Variants in SPOCD1 observed in about 807,000 individuals in gnomAD.
SPOCD1 encodes SPOC domain-containing protein 1.
A neutral mutation model predicts 92.2 loss-of-function variants in SPOCD1; 64 were observed. The observed-to-expected ratio is 0.69, with a 90% CI of 0.57 to 0.86. The LOEUF (loss-of-function observed/expected upper bound fraction) is 0.86. Ranked by LOEUF, SPOCD1 falls within the 40% of genes least tolerant of loss-of-function variation. The probability of loss-of-function intolerance (pLI) is 0.00; values close to 1 mark genes in which losing one functional copy is unlikely to be tolerated. For missense variants in SPOCD1, 1,360 were observed against 1,543.1 expected (o/e 0.88, Z 1.99); for synonymous variants, 578 against 619.3 (o/e 0.93, Z 0.99).
chr1:31,815,001 C>T lies in SPOCD1; in HGVS notation c.333G>A (p.Gly111=), dbSNP rs1357050059. ...GGAGCCTCTTGGAGGTCAGAGCTCT[C>T]CCCTGAGTAGGCACCGAGGGCAGCT... ...HMQLPSVPTQ[G]RALTSKRLQV... is the part of the protein sequence containing the mutation. The change falls in exon 2 of 16, where the codon GGG becomes GGA. Residue 111 remains glycine (G), a synonymous_variant. Coordinates refer to ENST00000360482, the MANE Select transcript of SPOCD1 (RefSeq NM_144569.7). 6.2e-7 allele frequency: 1 copy of T among 1,613,908 alleles called. No homozygotes were observed. Among genetic ancestry groups the T allele is most frequent in the Non-Finnish European group, 8.5e-7 (1 of 1,179,996 alleles).
intron 2 of SPOCD1, among the ~76,000 whole-genome samples, chr1:31,810,340 G>C (rs945718842): frequency 2.0e-5 from 3 of 147,984 alleles, no homozygotes; most frequent in Admixed American, 1.4e-4. Flanking sequence ...GTAAAATGGG[G>C]ATATTAGTGT....
Position 31,790,798 on chromosome 1 carries a change from G to A in SPOCD1, c.3456C>T (p.His1152=), listed in dbSNP as rs780676184. The part of the protein sequence containing the change: ...DSCPHQALLR[H]LESLATMSHQ... ...GACTCATGGTCGCCAGGGATTCGAGGTGCCGGAGCAGGGCTTGGTGGGGAC... is the reference window on the plus strand; with the variant it reads ...GACTCATGGTCGCCAGGGATTCGAGATGCCGGAGCAGGGCTTGGTGGGGAC... Residue 1152 remains histidine (H), a synonymous_variant, in exon 16 of 16, where the codon CAC becomes CAT. Coordinates refer to ENST00000360482, the MANE Select transcript of SPOCD1 (RefSeq NM_144569.7). 2.6e-6 allele frequency: 4 copies of A among 1,545,866 alleles called. No homozygotes were observed. Among genetic ancestry groups the A allele is most frequent in the Non-Finnish European group, 2.6e-6 (3 of 1,144,182 alleles).
chr1:31,793,529 G>T, intron 12 of SPOCD1, 101 bp from the exon 13 acceptor site: 1 of 1,520,392 alleles, frequency 6.6e-7, no homozygotes, highest in Admixed American at 2.0e-5. Flanking sequence ...CCTACTGTGG[G>T]GACTGGAACA....
chr1:31,794,310 C>A, intron 10 of SPOCD1, 75 bp from the exon 11 acceptor site: 1 of 1,010,012 alleles, frequency 9.9e-7, no homozygotes, highest in Non-Finnish European at 1.5e-6. Context: ...GGTAGGGGGC[C>A]CCAGGATGTG....
At position 31,814,404 on chromosome 1, in the gene SPOCD1, A is replaced by T; in HGVS notation, c.930T>A (p.Ser310Arg). 6.2e-7 allele frequency: 1 copy of T among 1,609,276 alleles called. No individual in the cohort carries two copies. The highest frequency in any genetic ancestry group is 8.5e-7 in the Non-Finnish European group (1 of 1,177,836). The stretch of plus-strand genomic sequence containing the variant: ...CAGCTGAACTGAGGGACTCCCCTCC[A>T]CTGGGCACTGGGAACCCGACAGGGC... ...PCGPVGFPVP[S>R]GGESLSSAAQ... The change falls in exon 2 of 16, where the codon AGT (serine) becomes AGA (arginine). Residue 310 changes from serine (S) to arginine (R), a missense_variant. Transcript: ENST00000360482. The surrounding 1 kb of genome is among the most constrained non-coding windows in gnomAD (Gnocchi z 4.2).
At position 31,800,076 on chromosome 1, in the gene SPOCD1, G is replaced by A; in HGVS notation, c.1668C>T (p.Tyr556=). The change falls in exon 5 of 16, where the codon TAC becomes TAT. Residue 556 remains tyrosine (Y), a synonymous_variant. Coordinates refer to ENST00000360482, the MANE Select transcript of SPOCD1 (RefSeq NM_144569.7). ...GGGCCAGGGAACCGCTTCTTGGAGG[G>A]TAGAAGGGGTCAGAGAGGCCACCAG... ...GDPGGLSDPF[Y]PPRSGSLALG... The A allele has an allele frequency of 3.1e-6, 5 of 1,608,100 alleles. No individual in the cohort carries two copies. The highest frequency in any genetic ancestry group is 4.2e-6 in the Non-Finnish European group (5 of 1,178,296).
intron 11 of SPOCD1, 85 bp downstream of exon 11, chr1:31,794,039 G>A (rs887574692): frequency 5.3e-6 from 8 of 1,523,764 alleles, no homozygotes; most frequent in Non-Finnish European, 7.2e-6. Flanking sequence ...CCTCTCCCCA[G>A]GCCACAAATC....
Position 31,790,448 on chromosome 1 carries a change from A to T in SPOCD1, c.*155T>A. ...CCCAATTTTACCAAATTCTTTATTG[A>T]ACAAAAAATCAACAGCAAACATTGT... On this transcript the variant is annotated 3_prime_UTR_variant, in exon 16 of 16. Transcript: ENST00000360482. 2 of 732,262 alleles carry T rather than the reference A, an allele frequency of 2.7e-6. No individual in the cohort carries two copies. Among genetic ancestry groups the T allele is most frequent in the Non-Finnish European group, 4.5e-6 (2 of 447,986 alleles). The allele number at this position is 732,262 out of a possible 1,614,324, so 45.4% of individuals were successfully genotyped here. A position where few individuals can be genotyped will look rare whatever the true frequency, so the allele number is the denominator to read the frequency against.
intron 12 of SPOCD1, 65 bp downstream of exon 12, chr1:31,793,682 C>G (rs1286709572): frequency 6.2e-7 from 1 of 1,610,468 alleles, no homozygotes. Context: ...ATGTCTGTTG[C>G]ACCAGGTGGT....
chr1:31,803,400 G>A (rs1648590406), intron 2 of SPOCD1, among the ~76,000 whole-genome samples: 1 of 150,910 alleles, frequency 6.6e-6, no homozygotes, highest in Middle Eastern at 3.2e-3. Flanking sequence ...TTAGCTAACT[G>A]GACAACACAT....
At chr1:31,799,671 T>C in intron 6 of SPOCD1, 138 bp downstream of exon 6, 2 of 1,155,976 alleles carry the variant, frequency 1.7e-6, no homozygotes, top group Non-Finnish European at 1.2e-6. Flanking sequence ...CCCCACCCCT[T>C]TGGGGAGGAG....
intron 2 of SPOCD1, among the ~76,000 whole-genome samples, chr1:31,805,355 G>A (rs1648752568): frequency 6.6e-6 from 1 of 152,000 alleles, no homozygotes; most frequent in Non-Finnish European, 1.5e-5. Context: ...CTACTAGAGG[G>A]ATAAAAAGGA....
chr1:31,815,434 T>G lies in SPOCD1; in HGVS notation c.-39-62A>C. On this transcript the variant is annotated intron_variant, in intron 1 of 15. Transcript: ENST00000360482. ...GAGTCCGACCTGTCAGCCCGTTCAG[T>G]GGGAACTGGGAGGAGCCCCTCTTCC... 1.6e-6 allele frequency: 2 copies of G among 1,233,652 alleles called. 1 individual carries two copies. Among genetic ancestry groups the G allele is most frequent in the South Asian group, 3.6e-5 (2 of 55,722 alleles). 76.4% of individuals were successfully genotyped at this position (1,233,652 alleles called of 1,614,324 possible).
chr1:31,792,916 T>C, intron 13 of SPOCD1, 149 bp from the exon 14 acceptor site: 2 of 725,674 alleles, frequency 2.8e-6, no homozygotes, highest in African/African-American at 1.7e-5. Context: ...AAAGCTCTAA[T>C]TGCCCCATGG....
chr1:31,813,896 G>A (rs1202199239), intron 2 of SPOCD1, 55 bp downstream of exon 2: 9 of 1,412,806 alleles, frequency 6.4e-6, no homozygotes, highest in Non-Finnish European at 7.5e-6. Flanking sequence ...GCCAAGTATG[G>A]TATTGAGAAA....
At chr1:31,801,755 C>T (rs1332289840) in intron 2 of SPOCD1, 50 bp from the exon 3 acceptor site, 1 of 1,460,618 alleles carries the variant, frequency 6.8e-7, no homozygotes, top group Non-Finnish European at 9.6e-7. Context: ...ACCCAGCCAC[C>T]CCATGGCAGG....
intron 6 of SPOCD1, 40 bp from the exon 7 acceptor site, chr1:31,799,525 G>T: frequency 6.4e-7 from 1 of 1,555,388 alleles, no homozygotes; most frequent in South Asian, 1.1e-5. Context: ...GGGGTGCCCA[G>T]GGGAAAGGGG....
At chr1:31,807,948 C>T (rs1245967699) in intron 2 of SPOCD1, among the ~76,000 whole-genome samples, 1 of 152,064 alleles carries the variant, frequency 6.6e-6, no homozygotes, top group East Asian at 1.9e-4. Context: ...AAGAGAAAAA[C>T]AACACTGAAT....
Position 31,793,329 on chromosome 1 carries a change from C to T in SPOCD1, c.2634G>A (p.Arg878=). 2 of 1,591,470 alleles carry T rather than the reference C, an allele frequency of 1.3e-6. No individual in the cohort carries two copies. The highest frequency in any genetic ancestry group is 1.3e-5 in the African/African-American group (1 of 74,692). The change falls in exon 13 of 16, where the codon CGG becomes CGA. Residue 878 remains arginine, a synonymous_variant. Coordinates refer to ENST00000360482, the MANE Select transcript of SPOCD1 (RefSeq NM_144569.7). ...AGACCAGCTGGGCCCTGGCCCGGAA[C>T]CGCTTGATGGAGAACATGTCCAGAA... ...EGVLDMFSIK[R]FRARAQLVSG...
Sources: gnomAD v4.1 joint callset for allele counts (sites outside exome capture counted in the v4.1 genomes callset) on GRCh38, gnomAD v4.1.1 for gene constraint, Gnocchi (gnomAD v3.1) non-coding constraint, MANE v1.5 for transcripts, NCBI Gene and HGNC (gene_info 2026-07-23, HGNC 2026-07-21) for gene names.